HHAT: variants seen among roughly 807,000 people sequenced by gnomAD.
The protein encoded by HHAT is protein-cysteine N-palmitoyltransferase HHAT.
Under a neutral mutation model 70.8 loss-of-function variants are expected in HHAT, and 47 were observed. The observed-to-expected ratio is 0.66, with a 90% confidence interval of 0.53 to 0.85. HHAT has a LOEUF of 0.85. Among genes scored for constraint, HHAT ranks in the 40% least tolerant of loss-of-function variants. HHAT has a pLI of 0.00. For missense variants in HHAT, 609 were observed against 604.8 expected (o/e 1.01, Z -0.07); for synonymous variants, 228 against 247.6 (o/e 0.92, Z 0.74).
At chr1:210,431,799 G>T (rs1002758243) in intron 7 of HHAT, among the ~76,000 whole-genome samples, 1 of 151,860 alleles carries the variant, frequency 6.6e-6, no homozygotes, top group Non-Finnish European at 1.5e-5. Context: ...GAAGAGAGTT[G>T]TTTGGGAGGC....
intron 9 of HHAT, among the ~76,000 whole-genome samples, chr1:210,580,241 G>A (rs1189017014): frequency 1.3e-5 from 2 of 152,114 alleles, no homozygotes; most frequent in Non-Finnish European, 2.9e-5. Context: ...GGATGACAAA[G>A]CCTGTGGTTG....
intron 7 of HHAT, among the ~76,000 whole-genome samples, chr1:210,452,307 C>T (rs902047224): frequency 6.6e-6 from 1 of 152,236 alleles, no homozygotes; most frequent in African/African-American, 2.4e-5. Flanking sequence ...TCATTGCCCC[C>T]TGCACATGCA....
chr1:210,411,174 T>C (rs1483352988), intron 6 of HHAT, among the ~76,000 whole-genome samples: 2 of 152,118 alleles, frequency 1.3e-5, no homozygotes, highest in Non-Finnish European at 2.9e-5. Context: ...TTGATTATCT[T>C]GGGGGCTGTT....
At chr1:210,497,878 G>A (rs977916347) in intron 8 of HHAT, among the ~76,000 whole-genome samples, 2 of 151,266 alleles carry the variant, frequency 1.3e-5, no homozygotes, top group African/African-American at 4.9e-5. Flanking sequence ...CAATTCTCCT[G>A]CCTCAGCCTC....
chr1:210,558,582 T>C (rs866799234), intron 9 of HHAT, among the ~76,000 whole-genome samples: 6 of 152,112 alleles, frequency 3.9e-5, no homozygotes, highest in Non-Finnish European at 8.8e-5. Flanking sequence ...AGGCAGGAAA[T>C]TGATGAGGTA....
chr1:210,528,560 T>C (rs2095277817), intron 9 of HHAT, among the ~76,000 whole-genome samples: 1 of 152,226 alleles, frequency 6.6e-6, no homozygotes, highest in Admixed American at 6.5e-5. Flanking sequence ...TCTAAAGTTC[T>C]CATTCAGATG....
intron 7 of HHAT, among the ~76,000 whole-genome samples, chr1:210,429,798 T>G (rs2093190121): frequency 6.6e-6 from 1 of 152,032 alleles, no homozygotes; most frequent in Middle Eastern, 3.4e-3. Flanking sequence ...GTTAATTCAG[T>G]GCTATCTGAA....
chr1:210,669,020 G>A lies in HHAT; in HGVS notation c.1391-5268G>A, dbSNP rs61827452. Among the ~76,000 whole-genome samples, 1,281 of 152,232 alleles carry A rather than the reference G, an allele frequency of 8.4e-3. 7 individuals carry two copies. The highest frequency in any genetic ancestry group is 0.014 in the Non-Finnish European group (966 of 68,010). ...AAATGCCTGACCTCGTGATCCACCC[G>A]CCTCGGCTTCCCAAAGTGCTGGGAT... On this transcript the variant is annotated intron_variant, in intron 11 of 11. Coordinates refer to ENST00000261458, the MANE Select transcript of HHAT (RefSeq NM_018194.6).
intron 6 of HHAT, among the ~76,000 whole-genome samples, chr1:210,408,847 G>C (rs929552749): frequency 3.3e-5 from 5 of 152,144 alleles, no homozygotes; most frequent in African/African-American, 7.2e-5. Flanking sequence ...CATTTAGTCT[G>C]AGCCAGGCTT....
intron 4 of HHAT, 100 bp downstream of exon 4, chr1:210,387,681 TGGGAGCCTG>T: frequency 1.2e-6 from 1 of 807,634 alleles, no homozygotes; most frequent in South Asian, 1.6e-5. Flanking sequence ...ATATTAGCAC[TGGGAGCCTG>T]GAAAAAATGA....
intron 6 of HHAT, among the ~76,000 whole-genome samples, chr1:210,411,117 C>A (rs994282950): frequency 6.6e-6 from 1 of 152,182 alleles, no homozygotes; most frequent in Admixed American, 6.5e-5. Context: ...CACCTTGAAA[C>A]GTGATTGCCT....
intron 5 of HHAT, among the ~76,000 whole-genome samples, chr1:210,403,895 G>A (rs893350180): frequency 1.4e-5 from 2 of 145,706 alleles, no homozygotes; most frequent in Admixed American, 6.8e-5. Context: ...ACACATCTAC[G>A]TCCTGTATGA....
chr1:210,374,515 G>C (rs1444656613), intron 3 of HHAT, among the ~76,000 whole-genome samples: 14 of 152,174 alleles, frequency 9.2e-5, no homozygotes. Context: ...TCCACACCTT[G>C]TTATTCACCG....
At chr1:210,420,071 C>T (rs982338786) in intron 7 of HHAT, among the ~76,000 whole-genome samples, 1 of 152,192 alleles carries the variant, frequency 6.6e-6, no homozygotes, top group African/African-American at 2.4e-5. Context: ...TAACCAGAAT[C>T]GTAGAAGCCC....
At chr1:210,351,004 G>C (rs2086970275) in intron 2 of HHAT, among the ~76,000 whole-genome samples, 1 of 152,104 alleles carries the variant, frequency 6.6e-6, no homozygotes, top group African/African-American at 2.4e-5. Context: ...GAATCAATAG[G>C]CTACATATAG....
chr1:210,639,285 CA>C (rs1018510052), intron 11 of HHAT, among the ~76,000 whole-genome samples: 1 of 151,506 alleles, frequency 6.6e-6, no homozygotes, highest in African/African-American at 2.4e-5. Flanking sequence ...AAACAAAATA[CA>C]AAAAAAAACT....
chr1:210,631,477 G>T (rs189793785), intron 11 of HHAT, among the ~76,000 whole-genome samples: 19 of 152,352 alleles, frequency 1.2e-4, no homozygotes, highest in Admixed American at 5.2e-4. Context: ...AGCCTGCTCA[G>T]TTGGTCAAGG....
intron 9 of HHAT, among the ~76,000 whole-genome samples, chr1:210,522,993 A>T (rs1477899781): frequency 2.6e-5 from 4 of 152,068 alleles, no homozygotes; most frequent in Non-Finnish European, 4.4e-5. Flanking sequence ...CTCCATGCAG[A>T]TGTTAGTTAT....
At position 210,569,373 on chromosome 1, in the gene HHAT, CA is replaced by C. The variant is rs71146233; in HGVS notation, c.1044-18499del. Among the ~76,000 whole-genome samples the C allele has an allele frequency of 3.8e-3, 107 of 28,334 alleles. 1 individual carries two copies. The highest frequency in any genetic ancestry group is 9.0e-3 in the African/African-American group (73 of 8,134). The allele number at this position is 28,334 out of a possible 152,430, so 18.6% of individuals were successfully genotyped here. A position where few individuals can be genotyped will look rare whatever the true frequency, so the allele number is the denominator to read the frequency against. ...CGGGCGACAGAGCCAGAGTCTGCCT[CA>C]AAAAAAAAAAAAAAAAAAAAAAAAA... On this transcript the variant is annotated intron_variant, in intron 9 of 11. Transcript: ENST00000261458.
Sources: allele counts gnomAD v4.1 joint callset (sites outside exome capture counted in the v4.1 genomes callset), GRCh38; gene constraint gnomAD v4.1.1; transcripts MANE v1.5; gene names NCBI Gene and HGNC (gene_info 2026-07-23, HGNC 2026-07-21).